Variants in MEP1A observed in about 807,000 individuals in gnomAD.
The protein encoded by MEP1A is N-benzoyl-L-tyrosyl-P-amino-benzoic acid hydrolase subunit alpha.
MEP1A carries 68 observed loss-of-function variants against 84.5 expected under a neutral mutation model. The observed-to-expected ratio is 0.80, with a 90% CI of 0.66 to 0.98. The LOEUF (loss-of-function observed/expected upper bound fraction) is 0.98. MEP1A is among the 50% of genes least tolerant of loss of function. The pLI is 0.00. For synonymous variants in MEP1A, 337 were observed against 336.8 expected, an observed-to-expected ratio of 1.00 and a Z score of -0.01; for missense variants, 887 against 919.9, an observed-to-expected ratio of 0.96 and a Z score of 0.46.
intron 3 of MEP1A, among the ~76,000 whole-genome samples, chr6:46,796,418 A>G (rs1466177180): frequency 6.7e-6 from 1 of 148,364 alleles, no homozygotes; most frequent in Non-Finnish European, 1.5e-5. Flanking sequence ...TCTTTAATAA[A>G]ATAGCAAACC....
chr6:46,794,883 T>C (rs1354979678), intron 3 of MEP1A, among the ~76,000 whole-genome samples: 1 of 152,202 alleles, frequency 6.6e-6, no homozygotes, highest in Non-Finnish European at 1.5e-5. Context: ...ATTATTTACC[T>C]CTTTGCCATT....
Position 46,838,995 on chromosome 6 carries a change from T to A in MEP1A, c.2100T>A (p.His700Gln). 2.5e-6 allele frequency: 4 copies of A among 1,613,180 alleles called. No homozygotes were observed. Among genetic ancestry groups the A allele is most frequent in the Middle Eastern group, 3.3e-4 (2 of 6,036 alleles). Reference protein sequence around the residue: ...GMASCRCISGHAFFYTGERCQ... With the variant: ...GMASCRCISGQAFFYTGERCQ... ...TTTCCCTCAGGTGCATCTCTGGACA[T>A]GCTTTCTTCTACACGGGGGAGCGCT... Residue 700 changes from histidine (H) to glutamine (Q), a missense_variant, in exon 14 of 14, where the codon CAT (histidine) becomes CAA (glutamine). By Grantham distance (24) the His-to-Gln change is conservative (BLOSUM62 0). Transcript: ENST00000230588.
rs1768118026 is a variant in MEP1A, at chr6:46,833,262, C to T, written c.1333C>T (p.Leu445Phe). ...GACAGTCCGGAATTTCTCCCAAGTC[C>T]TTGAGAACACCAGCAAAGGGGACAA... ...VWTVRNFSQV[L>F]ENTSKGDKLQ... Residue 445 changes from leucine (L) to phenylalanine (F), a missense_variant, in exon 11 of 14, where the codon CTT becomes TTT. Leu to Phe is a conservative substitution (Grantham distance 22). Transcript: ENST00000230588. The T allele has an allele frequency of 6.2e-7, 1 of 1,614,196 alleles. No individual in the cohort carries two copies. Among genetic ancestry groups the T allele is most frequent in the Non-Finnish European group, 8.5e-7 (1 of 1,180,040 alleles).
At chr6:46,831,123 G>GT (rs1321376878) in intron 10 of MEP1A, among the ~76,000 whole-genome samples, 1 of 152,186 alleles carries the variant, frequency 6.6e-6, no homozygotes, top group East Asian at 1.9e-4. Context: ...TGTATGAAAG[G>GT]TTTTTTTAAG....
At position 46,807,512 on chromosome 6, in the gene MEP1A, T is replaced by TAAAG. The variant is rs60287159; in HGVS notation, c.263-1855_263-1852dup. ...AACAAAGTGAGACCCCCATCTGAAA[T>TAAAG]AAAGAAAGAAAGAAAGAAAGAAAGA... is the stretch of plus-strand genomic sequence containing the variant. On this transcript the variant is annotated intron_variant, in intron 5 of 13. Transcript: ENST00000230588. Among the ~76,000 whole-genome samples, 84 of 49,576 alleles carry TAAAG rather than the reference T, an allele frequency of 1.7e-3. 6 individuals are homozygous for TAAAG. The highest frequency in any genetic ancestry group is 0.013 in the Middle Eastern group (1 of 78). The allele number at this position is 49,576 out of a possible 152,430, so 32.5% of individuals were successfully genotyped here.
chr6:46,827,865 G>T (rs1767982812), intron 9 of MEP1A, among the ~76,000 whole-genome samples: 1 of 152,174 alleles, frequency 6.6e-6, no homozygotes, highest in Non-Finnish European at 1.5e-5. Flanking sequence ...AGCGGAATCT[G>T]CTGAAAAAAT....
At chr6:46,795,311 T>C (rs1459133806) in intron 3 of MEP1A, among the ~76,000 whole-genome samples, 1 of 152,120 alleles carries the variant, frequency 6.6e-6, no homozygotes, top group African/African-American at 2.4e-5. Context: ...TTTCTTTTCT[T>C]TTCTCCTGAG....
intron 3 of MEP1A, among the ~76,000 whole-genome samples, chr6:46,797,896 TTCCTTCCTTCCTTCC>T (rs1767095444): frequency 2.2e-5 from 1 of 44,634 alleles, no homozygotes; most frequent in African/African-American, 8.2e-5. Context: ...CCTTCCTTCC[TTCCTTCCTTCCTTCC>T]TTCCTTCCTT....
intron 5 of MEP1A, among the ~76,000 whole-genome samples, chr6:46,801,045 T>C (rs1767188982): frequency 6.6e-6 from 1 of 152,196 alleles, no homozygotes; most frequent in African/African-American, 2.4e-5. Flanking sequence ...TACTGTAAAT[T>C]ACTGTCCATT....
downstream of MEP1A, among the ~76,000 whole-genome samples, chr6:46,843,585 A>C (rs1007220647): frequency 6.6e-6 from 1 of 152,230 alleles, no homozygotes; most frequent in Non-Finnish European, 1.5e-5. Flanking sequence ...GATCTTTCAA[A>C]TACTAACTAA....
At chr6:46,804,802 C>T (rs1767276564) in intron 5 of MEP1A, among the ~76,000 whole-genome samples, 1 of 151,748 alleles carries the variant, frequency 6.6e-6, no homozygotes. Context: ...TGTTATCCTT[C>T]CAGAGAGTTC....
Position 46,834,719 on chromosome 6 carries a change from A to T in MEP1A, c.1751A>T (p.Asn584Ile). The T allele has an allele frequency of 6.2e-7, 1 of 1,611,668 alleles. No individual in the cohort carries two copies. Among genetic ancestry groups the T allele is most frequent in the East Asian group, 2.2e-5 (1 of 44,850 alleles). Reference sequence around the variant, plus strand: ...CTGAAAAGGAGGAGTTTCCTGAAAAATGATGACCTCATCATATTTGTGGAC... The same window carrying T: ...CTGAAAAGGAGGAGTTTCCTGAAAATTGATGACCTCATCATATTTGTGGAC... The part of the protein sequence containing the change: ...QMLKRRSFLK[N>I]DDLIIFVDFE... Residue 584 changes from asparagine to isoleucine, a missense_variant, in exon 12 of 14, where the codon AAT becomes ATT. Coordinates refer to ENST00000230588, the MANE Select transcript of MEP1A (RefSeq NM_005588.3).
At chr6:46,794,381 A>G (rs1767003289) in intron 3 of MEP1A, among the ~76,000 whole-genome samples, 1 of 152,210 alleles carries the variant, frequency 6.6e-6, no homozygotes, top group Admixed American at 6.5e-5. Flanking sequence ...AAGCTTTTAT[A>G]TGCAATTGCA....
intron 7 of MEP1A, among the ~76,000 whole-genome samples, chr6:46,821,628 G>T (rs1033079492): frequency 2.6e-5 from 4 of 152,126 alleles, no homozygotes; most frequent in African/African-American, 9.7e-5. Context: ...TGAAAATGTT[G>T]TAAGGAAGCA....
intron 6 of MEP1A, among the ~76,000 whole-genome samples, chr6:46,811,166 C>T (rs1767489769): frequency 6.6e-6 from 1 of 152,098 alleles, no homozygotes; most frequent in South Asian, 2.1e-4. Context: ...TGTAGTTTTC[C>T]TTGCAGTGGT....
chr6:46,835,149 G>A, intron 12 of MEP1A, 100 bp from the exon 13 acceptor site: 1 of 1,045,306 alleles, frequency 9.6e-7, no homozygotes, highest in Non-Finnish European at 1.4e-6. Context: ...TAGGGGTGAT[G>A]GGAGATAGAA....
In MEP1A at chr6:46,807,565, AAAGG is replaced by A. The variant is rs1221947370; in HGVS notation, c.263-1800_263-1797del. On this transcript the variant is annotated intron_variant, in intron 5 of 13. Coordinates refer to ENST00000230588, the MANE Select transcript of MEP1A (RefSeq NM_005588.3). Reference sequence around the variant, plus strand: ...GAAAGAAAGAAAGAAAGAAAGAAAGAAAGGAAGGAAGGAAGGAAGGAAGGAAGGA... The same window carrying A: ...GAAAGAAAGAAAGAAAGAAAGAAAGAAAGGAAGGAAGGAAGGAAGGAAGGA... Among the ~76,000 whole-genome samples the A allele has an allele frequency of 6.8e-3, 484 of 71,584 alleles. 15 individuals are homozygous for A. The highest frequency in any genetic ancestry group is 0.014 in the East Asian group (38 of 2,792). 47.0% of individuals were successfully genotyped at this position (71,584 alleles called of 152,430 possible). A position where few individuals can be genotyped will look rare whatever the true frequency, so the allele number is the denominator to read the frequency against.
intron 3 of MEP1A, among the ~76,000 whole-genome samples, chr6:46,796,235 C>T (rs1308473282): frequency 2.0e-5 from 3 of 152,048 alleles, no homozygotes; most frequent in Non-Finnish European, 4.4e-5. Flanking sequence ...CCAAGCCTTC[C>T]AAGGGACTCT....
chr6:46,808,878 T>G (rs1767424123), intron 5 of MEP1A, among the ~76,000 whole-genome samples: 1 of 152,062 alleles, frequency 6.6e-6, no homozygotes, highest in South Asian at 2.1e-4. Flanking sequence ...TATGTGCTTC[T>G]TATGCTTTCA....
Sources: gnomAD v4.1 joint callset for allele counts (sites outside exome capture counted in the v4.1 genomes callset) on GRCh38, gnomAD v4.1.1 for gene constraint, MANE v1.5 for transcripts, NCBI Gene and HGNC (gene_info 2026-07-23, HGNC 2026-07-21) for gene names.